CCSER1: variants seen among roughly 807,000 people sequenced by gnomAD.
The protein encoded by CCSER1 is coiled-coil serine rich protein 1.
Under a neutral mutation model 82.0 loss-of-function variants are expected in CCSER1, and 41 were observed. The ratio of observed to expected loss-of-function variants is 0.50; its 90% CI spans 0.39 to 0.65. The LOEUF (loss-of-function observed/expected upper bound fraction) is 0.65. Ranked by LOEUF, CCSER1 falls within the 30% of genes least tolerant of loss-of-function variation. The probability of loss-of-function intolerance (pLI) is 0.00; values close to 1 mark genes in which losing one functional copy is unlikely to be tolerated. For missense variants in CCSER1, 1,119 were observed against 1,064.2 expected (o/e 1.05, Z -0.72); for synonymous variants, 414 against 383.9 (o/e 1.08, Z -0.92).
chr4:91,201,635 T>C (rs1185481840), intron 10 of CCSER1, among the ~76,000 whole-genome samples: 3 of 152,072 alleles, frequency 2.0e-5, no homozygotes, highest in Non-Finnish European at 4.4e-5. Flanking sequence ...GTTGGACTAT[T>C]GTTGTAAACC....
chr4:91,436,330 C>T (rs1754647039), intron 10 of CCSER1, among the ~76,000 whole-genome samples: 1 of 152,054 alleles, frequency 6.6e-6, no homozygotes, highest in South Asian at 2.1e-4. Flanking sequence ...ATATAGCAAG[C>T]TTTCAATAAA....
intron 5 of CCSER1, among the ~76,000 whole-genome samples, chr4:90,623,704 C>T (rs969259424): frequency 1.2e-4 from 19 of 152,064 alleles, no homozygotes; most frequent in Middle Eastern, 3.2e-3. Context: ...TCTGGAAATA[C>T]GATGAAACAT....
intron 8 of CCSER1, among the ~76,000 whole-genome samples, chr4:90,862,076 T>G (rs1765180795): frequency 6.6e-6 from 1 of 151,484 alleles, no homozygotes; most frequent in Admixed American, 6.6e-5. Flanking sequence ...GAATAGGTAG[T>G]TCAAAATCTG....
intron 1 of CCSER1, among the ~76,000 whole-genome samples, chr4:90,271,853 TATATA>T (rs1190540507): frequency 5.4e-4 from 16 of 29,690 alleles, no homozygotes; most frequent in Non-Finnish European, 1.1e-4. Context: ...TATATATATA[TATATA>T]TATATTTTTT....
chr4:90,857,858 T>A (rs1489055607), intron 8 of CCSER1, among the ~76,000 whole-genome samples: 2 of 152,024 alleles, frequency 1.3e-5, no homozygotes, highest in South Asian at 2.1e-4. Flanking sequence ...GTATTCAGGA[T>A]TTTTGCTAAA....
intron 8 of CCSER1, among the ~76,000 whole-genome samples, chr4:90,907,699 G>A (rs751734582): frequency 3.2e-4 from 48 of 151,636 alleles, no homozygotes; most frequent in Non-Finnish European, 5.0e-4. Context: ...ATTTTTACCC[G>A]TTGTTTAATA....
In CCSER1 at chr4:90,988,334, CAAAAAAAAAAAAAAA is replaced by C. The variant is rs60408059; in HGVS notation, c.2172+64902_2172+64916del. 7.3e-4 allele frequency among the ~76,000 whole-genome samples: 55 copies of C among 75,384 alleles called. 1 individual carries two copies. In the East Asian group the frequency reaches 0.013, roughly 18 times the overall value. The allele number at this position is 75,384 out of a possible 152,430, so 49.5% of individuals were successfully genotyped here. On this transcript the variant is annotated intron_variant, in intron 9 of 10. Transcript: ENST00000509176. ...TGGGAGACAGAGTGATATCTTGTCT[CAAAAAAAAAAAAAAA>C]AAAAAAAAAAAAAAGAAAGAAAAGA...
rs138635650 is a variant in CCSER1 at position 90,631,028 on chromosome 4, G to A, written c.1932+2796G>A. Among the ~76,000 whole-genome samples the A allele has an allele frequency of 8.0e-4, 121 of 151,946 alleles. No homozygotes were observed. In the East Asian group the frequency reaches 0.017, roughly 21 times the overall value. Reference sequence around the variant, plus strand: ...CCTGCCTCAGCCTCCCGAGTAGCTGGGACAACAGGCACCTGCCACCATGCC... The same window carrying A: ...CCTGCCTCAGCCTCCCGAGTAGCTGAGACAACAGGCACCTGCCACCATGCC... On this transcript the variant is annotated intron_variant, in intron 6 of 10. Coordinates refer to ENST00000509176, the MANE Select transcript of CCSER1 (RefSeq NM_001145065.2).
intron 5 of CCSER1, among the ~76,000 whole-genome samples, chr4:90,544,188 A>G (rs1776465305): frequency 6.6e-6 from 1 of 152,120 alleles, no homozygotes; most frequent in Non-Finnish European, 1.5e-5. Flanking sequence ...TTTGTCGTGG[A>G]GAAAAACGTT....
At chr4:91,140,013 T>A (rs1242172612) in intron 10 of CCSER1, among the ~76,000 whole-genome samples, 34 of 152,138 alleles carry the variant, frequency 2.2e-4, no homozygotes, top group Admixed American at 2.2e-3. Context: ...CTTAGATGAT[T>A]CTTATTAAAT....
At chr4:90,802,338 G>T (rs576567031) in intron 7 of CCSER1, among the ~76,000 whole-genome samples, 1 of 148,692 alleles carries the variant, frequency 6.7e-6, no homozygotes, top group Non-Finnish European at 1.5e-5. Context: ...TTTACCTCTA[G>T]TAAATGTAGT....
intron 7 of CCSER1, among the ~76,000 whole-genome samples, chr4:90,775,153 C>G (rs1292603298): frequency 6.6e-6 from 1 of 152,130 alleles, no homozygotes; most frequent in Non-Finnish European, 1.5e-5. Context: ...TGAATTAACC[C>G]TCTCACATAT....
intron 10 of CCSER1, among the ~76,000 whole-genome samples, chr4:91,522,245 T>G (rs904485680): frequency 6.6e-6 from 1 of 152,240 alleles, no homozygotes; most frequent in Non-Finnish European, 1.5e-5. Flanking sequence ...TGTATATCTG[T>G]TTTGGTACCA....
intron 5 of CCSER1, among the ~76,000 whole-genome samples, chr4:90,583,404 G>T (rs1003581466): frequency 6.6e-6 from 1 of 152,084 alleles, no homozygotes; most frequent in Non-Finnish European, 1.5e-5. Context: ...GACCTCAGGT[G>T]ATCCACCCGC....
chr4:91,398,599 G>A (rs1752134316), intron 10 of CCSER1, among the ~76,000 whole-genome samples: 1 of 151,822 alleles, frequency 6.6e-6, no homozygotes, highest in Non-Finnish European at 1.5e-5. Flanking sequence ...ATTAATAAGA[G>A]AGCATAGTGT....
At chr4:90,336,399 G>A (rs578028340) in intron 3 of CCSER1, among the ~76,000 whole-genome samples, 6 of 152,154 alleles carry the variant, frequency 3.9e-5, no homozygotes, top group Non-Finnish European at 7.4e-5. Context: ...AGTGTAAAAT[G>A]AATAAAAACA....
chr4:90,853,033 A>G (rs1038076201), intron 8 of CCSER1, among the ~76,000 whole-genome samples: 9 of 152,130 alleles, frequency 5.9e-5, no homozygotes, highest in Non-Finnish European at 1.0e-4. Context: ...GCGAGAGATA[A>G]AGTACGGAAT....
At chr4:91,452,306 T>C (rs1444849058) in intron 10 of CCSER1, among the ~76,000 whole-genome samples, 1 of 152,024 alleles carries the variant, frequency 6.6e-6, no homozygotes, top group Non-Finnish European at 1.5e-5. Flanking sequence ...CTCAAGCCTT[T>C]TGAAAACATT....
intron 10 of CCSER1, among the ~76,000 whole-genome samples, chr4:91,355,224 T>C (rs1748744038): frequency 6.6e-6 from 1 of 151,996 alleles, no homozygotes; most frequent in South Asian, 2.1e-4. Flanking sequence ...ACTGTTTAAC[T>C]TTTTTTTAGT....
Sources: allele counts gnomAD v4.1 joint callset (sites outside exome capture counted in the v4.1 genomes callset), GRCh38; gene constraint gnomAD v4.1.1; transcripts MANE v1.5; gene names NCBI Gene and HGNC (gene_info 2026-07-23, HGNC 2026-07-21).